Variants in CLNK observed in about 807,000 individuals in gnomAD.
CLNK encodes the protein cytokine dependent hematopoietic cell linker.
In CLNK, 74 loss-of-function variants were observed where a neutral mutation model predicts 68.6. The ratio of observed to expected loss-of-function variants is 1.08; its 90% CI spans 0.89 to 1.31. The LOEUF is 1.31. CLNK is among the 50% of genes most tolerant of loss of function. CLNK has a pLI of 0.00. For synonymous variants in CLNK, 198 were observed against 172.2 expected (o/e 1.15, Z -1.17); for missense variants, 553 against 515.3 (o/e 1.07, Z -0.71).
Position 10,490,343 on chromosome 4 carries a change from G to T in CLNK, c.*124C>A. 1.0e-6 allele frequency: 1 copy of T among 958,290 alleles called. No homozygotes were observed. The highest frequency in any genetic ancestry group is 1.5e-6 in the Non-Finnish European group (1 of 654,620). The allele number at this position is 958,290 out of a possible 1,614,324, so 59.4% of individuals were successfully genotyped here. A position where few individuals can be genotyped will look rare whatever the true frequency, so the allele number is the denominator to read the frequency against. On this transcript the variant is annotated 3_prime_UTR_variant, in exon 19 of 19. Transcript: ENST00000226951. ...GTGATTTTCCACTCTCTGTTATAGA[G>T]TGTTTTTCTTTTCTCCAAAGTTAAA... is the stretch of plus-strand genomic sequence containing the variant.
At chr4:10,529,362 T>G (rs553309813) in intron 12 of CLNK, among the ~76,000 whole-genome samples, 5 of 152,264 alleles carry the variant, frequency 3.3e-5, no homozygotes, top group Non-Finnish European at 7.4e-5. Flanking sequence ...TCCCAAAGGG[T>G]CATGCCATTC....
At chr4:10,539,797 G>A (rs911972145) in intron 11 of CLNK, among the ~76,000 whole-genome samples, 3 of 152,142 alleles carry the variant, frequency 2.0e-5, no homozygotes, top group African/African-American at 7.2e-5. Flanking sequence ...TCTCCAGCCT[G>A]GGTGATGGGA....
upstream of CLNK, among the ~76,000 whole-genome samples, chr4:10,689,744 C>CCTTTT (rs1560280654): frequency 3.7e-5 from 1 of 26,924 alleles, no homozygotes; most frequent in Non-Finnish European, 1.0e-4. Context: ...AAAACCCATG[C>CCTTTT]ATTTTTTTTT....
intron 8 of CLNK, among the ~76,000 whole-genome samples, chr4:10,552,809 C>T (rs1190277543): frequency 6.6e-6 from 1 of 152,182 alleles, no homozygotes; most frequent in African/African-American, 2.4e-5. Context: ...CCTGGTCTCT[C>T]TTTATGCAGT....
At chr4:10,716,164 C>T in the CLNK span, among the ~76,000 whole-genome samples, 1 of 152,162 alleles carries the variant, frequency 6.6e-6, no homozygotes, top group Admixed American at 6.5e-5. Flanking sequence ...TTTCTTCTTT[C>T]GAACATTAAC....
At chr4:10,570,695 A>C (rs959554387) in intron 5 of CLNK, among the ~76,000 whole-genome samples, 1 of 152,200 alleles carries the variant, frequency 6.6e-6, no homozygotes, top group Non-Finnish European at 1.5e-5. Flanking sequence ...TCAATCAATC[A>C]ATCATACATC....
intron 2 of CLNK, among the ~76,000 whole-genome samples, chr4:10,617,582 G>T (rs1318602989): frequency 6.6e-6 from 1 of 152,202 alleles, no homozygotes; most frequent in African/African-American, 2.4e-5. Flanking sequence ...AAATGGCAAT[G>T]AAATAATAGT....
the CLNK span, among the ~76,000 whole-genome samples, chr4:10,731,179 T>C: frequency 3.3e-5 from 5 of 152,358 alleles, no homozygotes; most frequent in South Asian, 2.1e-4. Context: ...ATTCCTTCTA[T>C]GTAACTGTTT....
the CLNK span, among the ~76,000 whole-genome samples, chr4:10,690,127 C>T: frequency 6.6e-6 from 1 of 152,076 alleles, no homozygotes; most frequent in East Asian, 1.9e-4. Flanking sequence ...ACTCCCTGGT[C>T]AACACCTCAG....
intron 2 of CLNK, among the ~76,000 whole-genome samples, chr4:10,643,136 T>G (rs959272269): frequency 5.3e-5 from 8 of 152,214 alleles, no homozygotes; most frequent in African/African-American, 1.7e-4. Flanking sequence ...CTGGCTGTGT[T>G]TCTAAATTAT....
At chr4:10,718,054 A>C in the CLNK span, among the ~76,000 whole-genome samples, 2 of 152,184 alleles carry the variant, frequency 1.3e-5, no homozygotes, top group Admixed American at 6.5e-5. Flanking sequence ...TTTAGAAGTG[A>C]AAATACAATA....
At chr4:10,513,305 A>G (rs1467923179) in intron 16 of CLNK, among the ~76,000 whole-genome samples, 159 bp downstream of exon 16, 1 of 152,244 alleles carries the variant, frequency 6.6e-6, no homozygotes, top group Admixed American at 6.5e-5. Context: ...ATTTAAAAAT[A>G]TTAAAATACT....
chr4:10,704,821 A>C, the CLNK span, among the ~76,000 whole-genome samples: 2 of 152,218 alleles, frequency 1.3e-5, no homozygotes, highest in African/African-American at 4.8e-5. Flanking sequence ...CAATTTTATA[A>C]AGTGTCTGGT....
At chr4:10,508,924 T>C (rs10028252) in intron 16 of CLNK, among the ~76,000 whole-genome samples, 24,639 of 151,852 alleles carry the variant, frequency 0.16, 2,413 homozygotes, top group East Asian at 0.4. Context: ...CTGGCCAACA[T>C]GGTGAAACCC....
the CLNK span, among the ~76,000 whole-genome samples, chr4:10,711,108 T>C: frequency 3.4e-3 from 513 of 152,322 alleles, 8 homozygotes; most frequent in South Asian, 0.037. Context: ...TAGATCAATA[T>C]GACAGATGCA....
chr4:10,497,532 G>A (rs1165663182), intron 18 of CLNK, among the ~76,000 whole-genome samples: 4 of 152,250 alleles, frequency 2.6e-5, no homozygotes, highest in African/African-American at 7.2e-5. Context: ...CTCATCTGGA[G>A]GCGGAGGGTC....
At position 10,501,397 on chromosome 4, in the gene CLNK, C is replaced by G. The variant is rs1717043648; in HGVS notation, c.999G>C (p.Leu333Phe). The G allele has an allele frequency of 1.9e-6, 3 of 1,609,162 alleles. No homozygotes were observed. Among genetic ancestry groups the G allele is most frequent in the Non-Finnish European group, 2.5e-6 (3 of 1,178,464 alleles). Reference sequence around the variant, plus strand: ...TGGATTTTGTGGAACAATCTCGGACCAAGAAACTACCATCCTGAAGCAAAA... The same window carrying G: ...TGGATTTTGTGGAACAATCTCGGACGAAGAAACTACCATCCTGAAGCAAAA... ...FMKENKDGSF[L>F]VRDCSTKSKE... The change falls in exon 18 of 19, where the codon TTG becomes TTC. Residue 333 changes from leucine to phenylalanine, a missense_variant. Physicochemically the swap from Leu to Phe is conservative, Grantham distance 22 (BLOSUM62 0). Coordinates refer to ENST00000226951, the MANE Select transcript of CLNK (RefSeq NM_052964.4).
At chr4:10,538,584 T>G (rs184605416) in intron 11 of CLNK, among the ~76,000 whole-genome samples, 1 of 152,360 alleles carries the variant, frequency 6.6e-6, no homozygotes, top group East Asian at 1.9e-4. Flanking sequence ...GGTCTGTTAT[T>G]ATTGTTGCCT....
At chr4:10,593,362 G>A (rs966153290) in intron 3 of CLNK, among the ~76,000 whole-genome samples, 1 of 152,092 alleles carries the variant, frequency 6.6e-6, no homozygotes, top group African/African-American at 2.4e-5. Context: ...ATGGAATAGA[G>A]GAGGACTCCA....
Sources: gnomAD v4.1 joint callset for allele counts (sites outside exome capture counted in the v4.1 genomes callset) on GRCh38, gnomAD v4.1.1 for gene constraint, MANE v1.5 for transcripts, NCBI Gene and HGNC (gene_info 2026-07-23, HGNC 2026-07-21) for gene names.